The following PCDH9 variants were observed in gnomAD, a reference collection of about 807,000 sequenced individuals.
PCDH9 encodes protocadherin 9.
PCDH9 carries 24 observed loss-of-function variants against 70.6 expected under a neutral mutation model. The ratio of observed to expected loss-of-function variants is 0.34; its 90% confidence interval spans 0.25 to 0.48. PCDH9 has a LOEUF of 0.48. Ranked by LOEUF, PCDH9 falls within the 20% of genes least tolerant of loss-of-function variation. PCDH9 has a pLI of 0.99. For synonymous variants in PCDH9, 562 were observed against 558.5 expected, an observed-to-expected ratio of 1.01 and a Z score of -0.09; for missense variants, 1,281 against 1,503.6, an observed-to-expected ratio of 0.85 and a Z score of 2.45.
chr13:66,363,771 T>C (rs1956508965), intron 4 of PCDH9, among the ~76,000 whole-genome samples: 1 of 152,198 alleles, frequency 6.6e-6, no homozygotes, highest in Non-Finnish European at 1.5e-5. Flanking sequence ...GCATAATGCA[T>C]TCTTTTCCCC....
chr13:66,456,575 T>C (rs560520429), intron 4 of PCDH9, among the ~76,000 whole-genome samples: 2 of 152,288 alleles, frequency 1.3e-5, no homozygotes, highest in East Asian at 1.9e-4. Context: ...ATTTTCTTTA[T>C]GAGTTCCCTC....
chr13:66,327,255 T>C (rs924618279), intron 4 of PCDH9, among the ~76,000 whole-genome samples: 1 of 152,192 alleles, frequency 6.6e-6, no homozygotes, highest in Admixed American at 6.5e-5. Flanking sequence ...GGATCTTTTG[T>C]TGCTTTGGCT....
intron 3 of PCDH9, among the ~76,000 whole-genome samples, chr13:66,758,529 A>G (rs2079572251): frequency 6.6e-6 from 1 of 152,078 alleles, no homozygotes; most frequent in Admixed American, 6.6e-5. Context: ...CCTATTCAAT[A>G]GAACATGATA....
intron 3 of PCDH9, among the ~76,000 whole-genome samples, chr13:66,867,967 T>A (rs1192190586): frequency 1.3e-5 from 2 of 152,054 alleles, no homozygotes; most frequent in South Asian, 4.1e-4. Context: ...GCATACTTTA[T>A]AGTATGTATT....
At chr13:66,450,877 G>A (rs1958193373) in intron 4 of PCDH9, among the ~76,000 whole-genome samples, 1 of 152,092 alleles carries the variant, frequency 6.6e-6, no homozygotes, top group Non-Finnish European at 1.5e-5. Context: ...AATTAGCCAG[G>A]CGTGGTGGCG....
At chr13:66,489,118 T>G (rs1001303084) in intron 4 of PCDH9, among the ~76,000 whole-genome samples, 3 of 152,202 alleles carry the variant, frequency 2.0e-5, no homozygotes, top group African/African-American at 7.2e-5. Flanking sequence ...TAGACACTTT[T>G]CAAACTAAAT....
chr13:66,326,394 TTCTA>T (rs1453656200), intron 4 of PCDH9, among the ~76,000 whole-genome samples: 2 of 141,336 alleles, frequency 1.4e-5, no homozygotes, highest in Non-Finnish European at 3.0e-5. Context: ...TTTCTTCTTC[TTCTA>T]AAAAAAAAAA....
intron 2 of PCDH9, among the ~76,000 whole-genome samples, chr13:67,030,596 A>G (rs1201103541): frequency 6.6e-6 from 1 of 151,994 alleles, no homozygotes; most frequent in African/African-American, 2.4e-5. Context: ...AAATACCCCA[A>G]TTTGATCATT....
chr13:66,461,227 G>C (rs1397703361), intron 4 of PCDH9, among the ~76,000 whole-genome samples: 1 of 151,716 alleles, frequency 6.6e-6, no homozygotes, highest in Non-Finnish European at 1.5e-5. Flanking sequence ...TGTGGAATTT[G>C]AGACTACAAA....
chr13:66,841,998 G>C (rs1402818776), intron 3 of PCDH9, among the ~76,000 whole-genome samples: 1 of 152,154 alleles, frequency 6.6e-6, no homozygotes, highest in Non-Finnish European at 1.5e-5. Flanking sequence ...AGGATGAGGG[G>C]AGGGAGAATC....
chr13:66,775,812 C>G (rs1367105439), intron 3 of PCDH9, among the ~76,000 whole-genome samples: 1 of 152,170 alleles, frequency 6.6e-6, no homozygotes, highest in Admixed American at 6.5e-5. Flanking sequence ...GACTTCTCAA[C>G]TGTGTGCAAT....
At chr13:66,987,679 G>GA (rs1238214200) in intron 2 of PCDH9, among the ~76,000 whole-genome samples, 4 of 137,624 alleles carry the variant, frequency 2.9e-5, no homozygotes, top group Admixed American at 7.7e-5. Context: ...TTCATGATTA[G>GA]AAAAGATATT....
intron 4 of PCDH9, among the ~76,000 whole-genome samples, chr13:66,401,238 G>A (rs570441192): frequency 3.3e-5 from 5 of 152,088 alleles, no homozygotes; most frequent in Non-Finnish European, 5.9e-5. Context: ...CCCATGTGTT[G>A]GGGTGTCGGG....
intron 3 of PCDH9, among the ~76,000 whole-genome samples, chr13:66,798,195 TG>T (rs2080274552): frequency 6.6e-6 from 1 of 152,172 alleles, no homozygotes; most frequent in South Asian, 2.1e-4. Context: ...TACAATCCTA[TG>T]AAATGTATGG....
At chr13:66,883,996 A>G (rs1307929812) in intron 3 of PCDH9, among the ~76,000 whole-genome samples, 1 of 144,016 alleles carries the variant, frequency 6.9e-6, no homozygotes. Flanking sequence ...TCTGCCTCCC[A>G]GGTTCAAGCG....
chr13:66,877,730 A>G (rs1363364834), intron 3 of PCDH9, among the ~76,000 whole-genome samples: 2 of 152,154 alleles, frequency 1.3e-5, no homozygotes, highest in Non-Finnish European at 2.9e-5. Context: ...CAGGTACACA[A>G]TGTTTGATGT....
intron 2 of PCDH9, among the ~76,000 whole-genome samples, chr13:66,924,116 C>A (rs1346014584): frequency 2.0e-5 from 3 of 151,790 alleles, no homozygotes; most frequent in African/African-American, 7.2e-5. Context: ...ACCACCTTTT[C>A]TCAAATCCTG....
intron 2 of PCDH9, among the ~76,000 whole-genome samples, chr13:67,008,119 A>G (rs2084387326): frequency 6.6e-6 from 1 of 152,186 alleles, no homozygotes; most frequent in South Asian, 2.1e-4. Flanking sequence ...ATTTGGAATA[A>G]GAGAATAAGA....
intron 3 of PCDH9, among the ~76,000 whole-genome samples, chr13:66,863,741 T>A (rs368441479): frequency 6.6e-6 from 1 of 152,174 alleles, no homozygotes; most frequent in South Asian, 2.1e-4. Flanking sequence ...CAAAGTGATC[T>A]GCCTCACAAA....
Sources: gnomAD v4.1 joint callset for allele counts (sites outside exome capture counted in the v4.1 genomes callset) on GRCh38, gnomAD v4.1.1 for gene constraint, MANE v1.5 for transcripts, NCBI Gene and HGNC (gene_info 2026-07-23, HGNC 2026-07-21) for gene names.